SLC25A39: variants seen among roughly 807,000 people sequenced by gnomAD.
SLC25A39 encodes solute carrier family 25 member 39, also known as mitochondrial glutathione transporter SLC25A39.
Under a neutral mutation model 46.6 loss-of-function variants are expected in SLC25A39, and 44 were observed. That is an observed-to-expected ratio of 0.94 (90% CI 0.74 to 1.21). SLC25A39 has a LOEUF of 1.21. SLC25A39 is among the 50% of genes most tolerant of loss of function. The pLI, the probability that SLC25A39 is intolerant of heterozygous loss-of-function variation, is 0.00. For synonymous variants in SLC25A39, 218 were observed against 190.6 expected (o/e 1.14, Z -1.19); for missense variants, 487 against 473.0 (o/e 1.03, Z -0.28).
Position 44,319,652 on chromosome 17 carries a change from G to A in SLC25A39, c.*349C>T. The A allele has an allele frequency of 3.5e-6, 1 of 282,154 alleles. No individual in the cohort carries two copies. The highest frequency in any genetic ancestry group is 3.8e-5 in the South Asian group (1 of 26,072). 17.5% of individuals were successfully genotyped at this position (282,154 alleles called of 1,614,324 possible). A position where few individuals can be genotyped will look rare whatever the true frequency, so the allele number is the denominator to read the frequency against. On this transcript the variant is annotated 3_prime_UTR_variant, in exon 12 of 12. Coordinates refer to ENST00000377095, the MANE Select transcript of SLC25A39 (RefSeq NM_001143780.3). Reference sequence around the variant, plus strand: ...AGAAGTTCATCATCTTTAGACTTAAGGAATTAACAAGGGTCAGGGAGACTA... The same window carrying A: ...AGAAGTTCATCATCTTTAGACTTAAAGAATTAACAAGGGTCAGGGAGACTA...
intron 8 of SLC25A39, 46 bp from the exon 9 acceptor site, chr17:44,320,777 G>A: frequency 6.8e-7 from 1 of 1,470,808 alleles, no homozygotes; most frequent in Non-Finnish European, 9.5e-7. Context: ...GGGCAAGGAA[G>A]TGGCCCCAGA....
intron 9 of SLC25A39, 35 bp from the exon 10 acceptor site, chr17:44,320,471 C>T (rs757439199): frequency 5.6e-6 from 9 of 1,610,296 alleles, no homozygotes; most frequent in South Asian, 1.1e-5. Context: ...CTCAGCTCCA[C>T]TTCCTGGACC....
chr17:44,320,909 G>A, intron 8 of SLC25A39, 149 bp downstream of exon 8: 1 of 1,071,792 alleles, frequency 9.3e-7, no homozygotes, highest in South Asian at 1.6e-5. Flanking sequence ...TACTCTACCT[G>A]CTAGGCCCAC....
At chr17:44,321,324 A>G (rs748162994) in intron 7 of SLC25A39, 93 bp from the exon 8 acceptor site, 1 of 1,585,508 alleles carries the variant, frequency 6.3e-7, no homozygotes, top group African/African-American at 1.3e-5. Flanking sequence ...GGGGACCTAG[A>G]ACACCCCCCT....
intron 1 of SLC25A39, chr17:44,324,199 C>T (rs1567873361): frequency 6.5e-6 from 1 of 152,806 alleles, no homozygotes; most frequent in Admixed American, 6.5e-5. Flanking sequence ...CTGCGCACCT[C>T]CTACGTGCAG....
chr17:44,321,371 G>A (rs2048028246), intron 7 of SLC25A39, 63 bp downstream of exon 7: 1 of 1,609,438 alleles, frequency 6.2e-7, no homozygotes, highest in African/African-American at 1.3e-5. Context: ...TGGGAGCTGG[G>A]ACTGACTGGG....
In SLC25A39 at chr17:44,321,122, C is replaced by G; in HGVS notation, c.627G>C (p.Gln209His). ...LGACVRTAVAQGGWRSLWLGW... is the reference protein window; with the variant it reads ...LGACVRTAVAHGGWRSLWLGW... ...CCAGCCACAGTGAGCGCCAGCCACCCTGAGCCACTGCAGTTCGAACACAGG... is the reference window on the plus strand; with the variant it reads ...CCAGCCACAGTGAGCGCCAGCCACCGTGAGCCACTGCAGTTCGAACACAGG... The change falls in exon 8 of 12, where the codon CAG (glutamine) becomes CAC (histidine). Residue 209 changes from glutamine (Q) to histidine (H), a missense_variant. Coordinates refer to ENST00000377095, the MANE Select transcript of SLC25A39 (RefSeq NM_001143780.3). 6.2e-7 allele frequency: 1 copy of G among 1,612,336 alleles called. No individual in the cohort carries two copies. Among genetic ancestry groups the G allele is most frequent in the Non-Finnish European group, 8.5e-7 (1 of 1,179,752 alleles).
intron 4 of SLC25A39, 33 bp from the exon 5 acceptor site, chr17:44,322,585 G>C: frequency 6.2e-7 from 1 of 1,609,860 alleles, no homozygotes. Context: ...ATAATGACAG[G>C]ATCCTAGAAC....
intron 3 of SLC25A39, 148 bp downstream of exon 3, chr17:44,323,136 T>C (rs560889085): frequency 1.0e-6 from 1 of 1,003,300 alleles, no homozygotes; most frequent in African/African-American, 1.6e-5. Context: ...TTGGCCAGGC[T>C]GGCCTTGAAC....
intron 9 of SLC25A39, 87 bp downstream of exon 9, chr17:44,320,535 G>A: frequency 1.9e-6 from 3 of 1,576,014 alleles, no homozygotes; most frequent in Admixed American, 1.7e-5. Context: ...AAGGCCTCAT[G>A]GGGTCTGCTT....
At chr17:44,322,913 T>C (rs1025392129) in intron 3 of SLC25A39, 61 bp from the exon 4 acceptor site, 5 of 1,544,406 alleles carry the variant, frequency 3.2e-6, no homozygotes, top group Non-Finnish European at 4.4e-6. Flanking sequence ...GGACCCCATC[T>C]CTGGGAGATC....
At chr17:44,323,440 T>TTCCCCC in intron 2 of SLC25A39, 38 bp downstream of exon 2, 1 of 341,554 alleles carries the variant, frequency 2.9e-6, no homozygotes, top group Non-Finnish European at 4.4e-6. Context: ...GTCTGCCCCA[T>TTCCCCC]CCCCACCCGC....
In SLC25A39 at chr17:44,321,515, C is replaced by A; in HGVS notation, c.436G>T (p.Asp146Tyr). 6.2e-7 allele frequency: 1 copy of A among 1,614,062 alleles called. No homozygotes were observed. The highest frequency in any genetic ancestry group is 1.1e-5 in the South Asian group (1 of 91,060). ...CCACACAGGAAGGCCTTCAGTTGGT[C>A]ATAGGCAGTGAAGTAGATGGCGGTA... Reference protein sequence around the residue: ...PATAIYFTAYDQLKAFLCGRA... With the variant: ...PATAIYFTAYYQLKAFLCGRA... The change falls in exon 7 of 12, where the codon GAC (aspartate) becomes TAC (tyrosine). Residue 146 changes from aspartate to tyrosine, a missense_variant. Transcript: ENST00000377095.
At position 44,320,092 on chromosome 17, in the gene SLC25A39, G is replaced by A. The variant is rs3200327; in HGVS notation, c.989C>T (p.Ala330Val). Residue 330 changes from alanine to valine, a missense_variant, in exon 12 of 12, where the codon GCT becomes GTT. Transcript: ENST00000377095. Reference sequence around the variant, plus strand: ...GATCATGATGGCACAGGAGGGGGCAGCCTTGATGATCCGAGGAAGGAAGCC... The same window carrying A: ...GATCATGATGGCACAGGAGGGGGCAACCTTGATGATCCGAGGAAGGAAGCC... Reference protein sequence around the residue: ...FAGFLPRIIKAAPSCAIMIST... With the variant: ...FAGFLPRIIKVAPSCAIMIST... 9.9e-6 allele frequency: 16 copies of A among 1,614,102 alleles called. No homozygotes were observed. The highest frequency in any genetic ancestry group is 1.3e-5 in the Non-Finnish European group (15 of 1,180,020).
rs1224650336 is a variant in SLC25A39, at chr17:44,321,080, G to A, written c.669C>T (p.Ala223=). 8.1e-6 allele frequency: 13 copies of A among 1,606,814 alleles called. No individual in the cohort carries two copies. The highest frequency in any genetic ancestry group is 2.2e-5 in the East Asian group (1 of 44,834). The change falls in exon 8 of 12, where the codon GCC becomes GCT. Residue 223 remains alanine (A), a synonymous_variant. Coordinates refer to ENST00000377095, the MANE Select transcript of SLC25A39 (RefSeq NM_001143780.3). ...RSLWLGWGPT[A]LRDVPFSALY... ...TACCTGAGAAGGGCACATCTCGAAG[G>A]GCAGTGGGGCCCCAGCCCAGCCACA...
Position 44,321,181 on chromosome 17 carries a change from G to A in SLC25A39, c.568C>T (p.Gln190Ter). The stretch of plus-strand genomic sequence containing the variant: ...TCCCGGTACGACACATGCTGAGCCT[G>A]CAGCTTTGTCCGCATAAGCTCCAGG... ...SPLELMRTKL[Q>*]AQHVSYRELG... The change falls in exon 8 of 12, where the codon CAG becomes TAG. Residue 190 changes from glutamine (Q) to a stop codon, truncating the protein, a stop_gained. Transcript: ENST00000377095. LOFTEE classifies it high-confidence loss of function. 6.2e-7 allele frequency: 1 copy of A among 1,613,122 alleles called. No homozygotes were observed. The highest frequency in any genetic ancestry group is 8.5e-7 in the Non-Finnish European group (1 of 1,179,882).
At chr17:44,323,217 C>T (rs2048109569) in intron 3 of SLC25A39, 67 bp downstream of exon 3, 1 of 1,589,382 alleles carries the variant, frequency 6.3e-7, no homozygotes, top group Non-Finnish European at 8.6e-7. Flanking sequence ...GAAACCACGG[C>T]CAGCCTCTGG....
intron 4 of SLC25A39, 110 bp downstream of exon 4, chr17:44,322,698 G>A (rs932976381): frequency 1.3e-6 from 2 of 1,567,814 alleles, no homozygotes; most frequent in African/African-American, 1.4e-5. Flanking sequence ...GCAGGACCTG[G>A]GAGTATATGC....
rs200614988 is a variant in SLC25A39, at chr17:44,323,301, C to G, written c.128G>C (p.Arg43Pro). ...DVVKVRLQSQ[R>P]PSMASELMPS... ...GTACTCACCGCTGGCCATGGAGGGCCGCTGAGACTGCAGGCGAACCTTCAC... is the reference window on the plus strand; with the variant it reads ...GTACTCACCGCTGGCCATGGAGGGCGGCTGAGACTGCAGGCGAACCTTCAC... The change falls in exon 3 of 12, where the codon CGG becomes CCG. Residue 43 changes from arginine to proline, a missense_variant. Physicochemically the swap from Arg to Pro is moderately radical, Grantham distance 103 (BLOSUM62 -2). Coordinates refer to ENST00000377095, the MANE Select transcript of SLC25A39 (RefSeq NM_001143780.3). 53 of 1,613,538 alleles carry G rather than the reference C, an allele frequency of 3.3e-5. No homozygotes were observed. The highest frequency in any genetic ancestry group is 1.7e-4 in the Middle Eastern group (1 of 6,056).
Sources: gnomAD v4.1 joint callset for allele counts on GRCh38, gnomAD v4.1.1 for gene constraint, MANE v1.5 for transcripts, NCBI Gene and HGNC (gene_info 2026-07-23, HGNC 2026-07-21) for gene names.